The following CTNND2 variants were observed in gnomAD, a reference collection of about 807,000 sequenced individuals.
CTNND2 encodes catenin delta 2.
In CTNND2, 22 loss-of-function variants were observed where a neutral mutation model predicts 144.4. The ratio of observed to expected loss-of-function variants is 0.15; its 90% CI spans 0.11 to 0.22. The LOEUF (loss-of-function observed/expected upper bound fraction) is 0.22. Ranked by LOEUF, CTNND2 falls within the 10% of genes least tolerant of loss-of-function variation. The probability of loss-of-function intolerance (pLI) is 1.00; values close to 1 mark genes in which losing one functional copy is unlikely to be tolerated. For synonymous variants in CTNND2, 751 were observed against 695.6 expected (o/e 1.08, Z -1.25); for missense variants, 1,353 against 1,618.8 (o/e 0.84, Z 2.82).
chr5:11,247,286 T>C (rs1216428399), intron 9 of CTNND2, among the ~76,000 whole-genome samples: 3 of 152,056 alleles, frequency 2.0e-5, no homozygotes, highest in Non-Finnish European at 4.4e-5. Flanking sequence ...TGGATGCCCT[T>C]TGAAGGTAGA....
chr5:11,242,417 T>G (rs1742546083), intron 9 of CTNND2, among the ~76,000 whole-genome samples: 1 of 152,332 alleles, frequency 6.6e-6, no homozygotes, highest in East Asian at 1.9e-4. Flanking sequence ...ATAATCATTC[T>G]CTTGAAATAA....
At chr5:11,686,405 G>C (rs1339801774) in intron 2 of CTNND2, among the ~76,000 whole-genome samples, 1 of 152,122 alleles carries the variant, frequency 6.6e-6, no homozygotes, top group Non-Finnish European at 1.5e-5. Flanking sequence ...AGCAGCACTA[G>C]GAAGGCAATC....
rs774482007 is a variant in CTNND2, at chr5:11,098,665, G to T, written c.2547C>A (p.Pro849=). 1 of 1,614,164 alleles carries T rather than the reference G, an allele frequency of 6.2e-7. No individual in the cohort carries two copies. The highest frequency in any genetic ancestry group is 1.7e-5 in the Admixed American group (1 of 60,024). Residue 849 remains proline (P), a synonymous_variant, in exon 15 of 22, where the codon CCC becomes CCA. Transcript: ENST00000304623. ...QMLWHPSIVK[P]YLTLLSECSN... Reference sequence around the variant, plus strand: ...AGCACTCAGAGAGCAGTGTGAGGTAGGGTTTGACTATTGATGGGTGCCACA... The same window carrying T: ...AGCACTCAGAGAGCAGTGTGAGGTATGGTTTGACTATTGATGGGTGCCACA...
At chr5:11,405,518 G>A (rs558158611) in intron 5 of CTNND2, among the ~76,000 whole-genome samples, 4 of 151,816 alleles carry the variant, frequency 2.6e-5, no homozygotes, top group South Asian at 4.2e-4. Flanking sequence ...GGAGATAGAC[G>A]TTGCAGTGAG....
Position 10,974,719 on chromosome 5 carries a change from T to C in CTNND2, c.3418-1006A>G, listed in dbSNP as rs185544783. On this transcript the variant is annotated intron_variant, in intron 21 of 21. Coordinates refer to ENST00000304623, the MANE Select transcript of CTNND2 (RefSeq NM_001332.4). ...TCTTAAAGAAATACTGTTTGATCAC[T>C]TTTGGGTGGACTCAGTGACTCCCTA... Among the ~76,000 whole-genome samples the C allele has an allele frequency of 2.2e-3, 332 of 152,344 alleles. 2 individuals are homozygous for C. Among genetic ancestry groups the C allele is most frequent in the African/African-American group, 7.6e-3 (317 of 41,582 alleles).
intron 2 of CTNND2, among the ~76,000 whole-genome samples, chr5:11,703,030 C>T (rs184295439): frequency 2.0e-4 from 30 of 152,260 alleles, no homozygotes; most frequent in African/African-American, 6.7e-4. Flanking sequence ...TCTAGGATGA[C>T]GCATTCAGGG....
chr5:11,389,903 A>G (rs2149806710), intron 6 of CTNND2, among the ~76,000 whole-genome samples: 1 of 152,322 alleles, frequency 6.6e-6, no homozygotes, highest in East Asian at 1.9e-4. Flanking sequence ...ATGTCATATA[A>G]ACTTACCTTC....
intron 3 of CTNND2, among the ~76,000 whole-genome samples, chr5:11,501,713 T>C (rs1364008044): frequency 6.6e-6 from 1 of 151,886 alleles, no homozygotes; most frequent in Non-Finnish European, 1.5e-5. Flanking sequence ...AGTGCCCTCA[T>C]AAGAAGGGGC....
chr5:11,623,631 C>A (rs1287069594), intron 2 of CTNND2, among the ~76,000 whole-genome samples: 1 of 151,020 alleles, frequency 6.6e-6, no homozygotes, highest in Non-Finnish European at 1.5e-5. Flanking sequence ...TAAAAGGATG[C>A]AGAAAAATCT....
At chr5:11,465,524 C>T (rs538068908) in intron 3 of CTNND2, among the ~76,000 whole-genome samples, 3 of 152,296 alleles carry the variant, frequency 2.0e-5, no homozygotes, top group South Asian at 4.2e-4. Context: ...ACAAAAGTGA[C>T]ACAGCTTTCC....
intron 11 of CTNND2, among the ~76,000 whole-genome samples, chr5:11,194,908 G>C (rs149797914): frequency 8.8e-4 from 134 of 152,300 alleles, no homozygotes; most frequent in African/African-American, 3.2e-3. Context: ...GGTAGTGGGA[G>C]CATGGAAGTC....
chr5:11,124,497 T>G (rs1270601483), intron 12 of CTNND2, among the ~76,000 whole-genome samples: 1 of 152,152 alleles, frequency 6.6e-6, no homozygotes, highest in Non-Finnish European at 1.5e-5. Context: ...TTTAAAGAGA[T>G]CTTCTATCCG....
intron 9 of CTNND2, among the ~76,000 whole-genome samples, chr5:11,341,433 C>T (rs979251163): frequency 3.9e-5 from 6 of 152,172 alleles, no homozygotes; most frequent in East Asian, 1.9e-4. Context: ...AACTGATAAA[C>T]GACCTCCGGC....
At chr5:11,151,574 T>C (rs554875453) in intron 12 of CTNND2, among the ~76,000 whole-genome samples, 2 of 152,362 alleles carry the variant, frequency 1.3e-5, no homozygotes, top group South Asian at 4.1e-4. Context: ...TAATGACTAT[T>C]CATTCACGCT....
chr5:11,090,797 C>CT (rs893949494), intron 15 of CTNND2, among the ~76,000 whole-genome samples: 1 of 139,208 alleles, frequency 7.2e-6, no homozygotes, highest in African/African-American at 3.2e-5. Flanking sequence ...TAAGTTCAGC[C>CT]TTTTTTTTCT....
chr5:11,811,140 G>A (rs6867256), intron 1 of CTNND2, among the ~76,000 whole-genome samples: 146,503 of 152,166 alleles, frequency 0.96, 70,768 homozygotes, highest in South Asian at 1. Context: ...TGTGAAAGAT[G>A]CTGAGGAAAC....
intron 10 of CTNND2, among the ~76,000 whole-genome samples, chr5:11,230,422 T>A (rs1369022836): frequency 6.6e-6 from 1 of 152,186 alleles, no homozygotes; most frequent in Non-Finnish European, 1.5e-5. Flanking sequence ...AAAAGATGCT[T>A]ATAGTCCATA....
intron 3 of CTNND2, among the ~76,000 whole-genome samples, chr5:11,420,216 G>A (rs1762257566): frequency 6.6e-6 from 1 of 152,126 alleles, no homozygotes; most frequent in Non-Finnish European, 1.5e-5. Context: ...CTAGCTACTT[G>A]GGAGGCTGAG....
chr5:11,060,992 C>G (rs1288102882), intron 16 of CTNND2, among the ~76,000 whole-genome samples: 1 of 152,032 alleles, frequency 6.6e-6, no homozygotes, highest in Non-Finnish European at 1.5e-5. Context: ...TGATGACACA[C>G]AGATTAATAT....
Sources: gnomAD v4.1 joint callset for allele counts (sites outside exome capture counted in the v4.1 genomes callset) on GRCh38, gnomAD v4.1.1 for gene constraint, MANE v1.5 for transcripts, NCBI Gene and HGNC (gene_info 2026-07-23, HGNC 2026-07-21) for gene names.